The following CSMD1 variants were observed in gnomAD, a reference collection of about 807,000 sequenced individuals.
CSMD1 encodes the protein CUB and sushi domain-containing protein 1.
In CSMD1, 213 loss-of-function variants were observed where a neutral mutation model predicts 417.5. The ratio of observed to expected loss-of-function variants is 0.51; its 90% CI spans 0.46 to 0.57. The LOEUF (loss-of-function observed/expected upper bound fraction) is 0.57, where lower values mean the gene tolerates loss of function less well. Ranked by LOEUF, CSMD1 falls within the 20% of genes least tolerant of loss-of-function variation. The pLI, the probability that CSMD1 is intolerant of heterozygous loss-of-function variation, is 0.00. For synonymous variants in CSMD1, 2,862 were observed against 1,736.8 expected (o/e 1.65, Z -16.11); for missense variants, 6,923 against 4,529.7 (o/e 1.53, Z -15.17).
chr8:4,398,574 T>A (rs1475481843), intron 3 of CSMD1, among the ~76,000 whole-genome samples: 1 of 151,874 alleles, frequency 6.6e-6, no homozygotes, highest in Non-Finnish European at 1.5e-5. Flanking sequence ...TTTTTGTATT[T>A]TTAGTAGAGA....
At chr8:3,537,348 G>C (rs557109190) in intron 10 of CSMD1, among the ~76,000 whole-genome samples, 1 of 152,264 alleles carries the variant, frequency 6.6e-6, no homozygotes, top group Non-Finnish European at 1.5e-5. Context: ...ACCTGTATGA[G>C]TTTTTATTGT....
At chr8:4,406,265 C>T (rs1585026454) in intron 3 of CSMD1, among the ~76,000 whole-genome samples, 2 of 152,154 alleles carry the variant, frequency 1.3e-5, no homozygotes, top group East Asian at 3.9e-4. Flanking sequence ...GTGCATTTGC[C>T]CTCAGATAGT....
chr8:4,966,632 C>G (rs770750396), intron 1 of CSMD1, among the ~76,000 whole-genome samples: 2 of 152,030 alleles, frequency 1.3e-5, no homozygotes, highest in Non-Finnish European at 2.9e-5. Flanking sequence ...TCACCCTGTA[C>G]AAACACAGAA....
intron 1 of CSMD1, among the ~76,000 whole-genome samples, chr8:4,691,414 T>C (rs565851234): frequency 8.5e-5 from 13 of 152,222 alleles, no homozygotes; most frequent in Admixed American, 2.0e-4. Flanking sequence ...TTGCAACATA[T>C]TGAGTAATTA....
intron 23 of CSMD1, among the ~76,000 whole-genome samples, chr8:3,316,462 G>A (rs1805768035): frequency 6.6e-6 from 1 of 152,072 alleles, no homozygotes; most frequent in Non-Finnish European, 1.5e-5. Context: ...TGAATGCTAT[G>A]GTTTGCGTGA....
chr8:4,835,327 T>A (rs1017683829), intron 1 of CSMD1, among the ~76,000 whole-genome samples: 1 of 152,148 alleles, frequency 6.6e-6, no homozygotes, highest in Non-Finnish European at 1.5e-5. Context: ...AGGTTGACCA[T>A]GAGGGTCAAT....
chr8:3,396,205 A>G lies in CSMD1; in HGVS notation c.2582T>C (p.Ile861Thr). Residue 861 changes from isoleucine to threonine, a missense_variant, in exon 17 of 70, where the codon ATC (isoleucine) becomes ACC (threonine). Coordinates refer to ENST00000635120, the MANE Select transcript of CSMD1 (RefSeq NM_033225.6). ...DNSRSSIGFLIHYESVTLESD... is the reference protein window; with the variant it reads ...DNSRSSIGFLTHYESVTLESD... ...AAGGTGCAACTCACTCTCATAGTGG[A>G]TGAGGAAGCCGATGCTGGAGCGGCT... 6.4e-7 allele frequency: 1 copy of G among 1,561,126 alleles called. No homozygotes were observed. Among genetic ancestry groups the G allele is most frequent in the South Asian group, 1.2e-5 (1 of 84,618 alleles).
At chr8:4,065,103 A>C (rs1235490119) in intron 3 of CSMD1, among the ~76,000 whole-genome samples, 2 of 152,250 alleles carry the variant, frequency 1.3e-5, no homozygotes, top group African/African-American at 4.8e-5. Flanking sequence ...AGATTTAAAA[A>C]TGTCATTTTC....
chr8:4,945,860 G>C (rs1024412312), intron 1 of CSMD1, among the ~76,000 whole-genome samples: 1 of 152,116 alleles, frequency 6.6e-6, no homozygotes, highest in Non-Finnish European at 1.5e-5. Flanking sequence ...GAAACTAGCA[G>C]GATTTGGCAG....
chr8:3,014,658 A>G (rs1808685463), intron 52 of CSMD1, among the ~76,000 whole-genome samples: 1 of 152,152 alleles, frequency 6.6e-6, no homozygotes, highest in Non-Finnish European at 1.5e-5. Flanking sequence ...CCCGCCTATA[A>G]TCCCAGCACT....
intron 3 of CSMD1, among the ~76,000 whole-genome samples, chr8:4,159,254 C>G (rs1797010199): frequency 6.6e-6 from 1 of 152,154 alleles, no homozygotes; most frequent in Non-Finnish European, 1.5e-5. Context: ...AAATGTTTTA[C>G]TCATTGGGGT....
intron 8 of CSMD1, among the ~76,000 whole-genome samples, chr8:3,589,100 G>C (rs887855576): frequency 6.6e-6 from 1 of 152,116 alleles, no homozygotes; most frequent in African/African-American, 2.4e-5. Flanking sequence ...TGAGGATGTG[G>C]AGAAAAGGGA....
intron 3 of CSMD1, among the ~76,000 whole-genome samples, chr8:4,131,471 A>G (rs1034758407): frequency 3.3e-5 from 5 of 152,220 alleles, no homozygotes; most frequent in African/African-American, 1.2e-4. Flanking sequence ...TTAAAAAATA[A>G]AAGTTTGAAA....
intron 3 of CSMD1, among the ~76,000 whole-genome samples, chr8:4,235,680 A>C (rs187026692): frequency 1.3e-5 from 2 of 152,164 alleles, no homozygotes; most frequent in Non-Finnish European, 2.9e-5. Flanking sequence ...GCCTGTTGCC[A>C]TGTTTTCCTG....
chr8:4,467,959 G>A (rs1800286073), intron 2 of CSMD1, among the ~76,000 whole-genome samples: 1 of 152,122 alleles, frequency 6.6e-6, no homozygotes, highest in African/African-American at 2.4e-5. Flanking sequence ...TAATATGATG[G>A]TTTACAAGGC....
intron 2 of CSMD1, among the ~76,000 whole-genome samples, chr8:4,449,262 C>G (rs530530767): frequency 1.3e-5 from 2 of 152,156 alleles, no homozygotes; most frequent in African/African-American, 4.8e-5. Context: ...CAGGTTGTAA[C>G]TATTGAAAGG....
At chr8:3,442,675 A>T (rs189313132) in intron 12 of CSMD1, among the ~76,000 whole-genome samples, 6 of 152,320 alleles carry the variant, frequency 3.9e-5, no homozygotes, top group Non-Finnish European at 8.8e-5. Flanking sequence ...ATCTAACAAC[A>T]CATCTCAGAA....
At chr8:3,492,413 T>C (rs1487688138) in intron 11 of CSMD1, among the ~76,000 whole-genome samples, 2 of 152,056 alleles carry the variant, frequency 1.3e-5, no homozygotes, top group African/African-American at 2.4e-5. Context: ...CAGTAGTATA[T>C]AAGTAGACAA....
chr8:4,806,916 T>C (rs758232115), intron 1 of CSMD1, among the ~76,000 whole-genome samples: 1 of 152,230 alleles, frequency 6.6e-6, no homozygotes, highest in Non-Finnish European at 1.5e-5. Flanking sequence ...CAAGTACAGA[T>C]GCATGCCTGC....
Sources: allele counts gnomAD v4.1 joint callset (sites outside exome capture counted in the v4.1 genomes callset), GRCh38; gene constraint gnomAD v4.1.1; transcripts MANE v1.5; gene names NCBI Gene and HGNC (gene_info 2026-07-23, HGNC 2026-07-21).